ABCC6: variants seen among roughly 807,000 people sequenced by gnomAD.
ABCC6 encodes ATP-binding cassette sub-family C member 6.
A neutral mutation model predicts 169.5 loss-of-function variants in ABCC6; 126 were observed. The ratio of observed to expected loss-of-function variants is 0.74; its 90% CI spans 0.64 to 0.86. ABCC6 has a LOEUF of 0.86. Ranked by LOEUF, ABCC6 falls within the 40% of genes least tolerant of loss-of-function variation. The probability of loss-of-function intolerance (pLI) is 0.00; values close to 1 mark genes in which losing one functional copy is unlikely to be tolerated. For missense variants in ABCC6, 1,733 were observed against 1,927.2 expected, an observed-to-expected ratio of 0.90 and a Z score of 1.89; for synonymous variants, 752 against 814.7, an observed-to-expected ratio of 0.92 and a Z score of 1.31.
At chr16:16,190,140 G>A (rs753770933) in intron 12 of ABCC6, 24 bp downstream of exon 12, 2 of 1,612,018 alleles carry the variant, frequency 1.2e-6, no homozygotes, top group Non-Finnish European at 1.7e-6. Context: ...GTGCTGCTCA[G>A]CATAGAGACT....
At chr16:16,156,418 A>C (rs1336005046) in intron 27 of ABCC6, among the ~76,000 whole-genome samples, 1 of 152,172 alleles carries the variant, frequency 6.6e-6, no homozygotes, top group Non-Finnish European at 1.5e-5. Flanking sequence ...GGTTTCCAAA[A>C]CTAGAAGCTC....
At position 16,157,003 on chromosome 16, in the gene ABCC6, C is replaced by G. The variant is rs139640025; in HGVS notation, c.3882+660G>C. ...ATTGGAGCTGGTGAGACAGGATCCA[C>G]TGCTTTTTAGGGGACAAGGAGAGGA... On this transcript the variant is annotated intron_variant, in intron 27 of 30. Transcript: ENST00000205557. Among the ~76,000 whole-genome samples the G allele has an allele frequency of 5.6e-4, 84 of 149,554 alleles. No homozygotes were observed. The East Asian group carries it at 0.015, about 27-fold the overall frequency.
chr16:16,161,374 C>T, intron 25 of ABCC6, 64 bp downstream of exon 25: 1 of 1,610,962 alleles, frequency 6.2e-7, no homozygotes, highest in Non-Finnish European at 8.5e-7. Context: ...GTCCCACTAG[C>T]AGGGGTCCGA....
In ABCC6 at chr16:16,163,034, A is replaced by G. The variant is rs1291477379; in HGVS notation, c.3465T>C (p.Asp1155=). 5.6e-6 allele frequency: 9 copies of G among 1,613,942 alleles called. No homozygotes were observed. Among genetic ancestry groups the G allele is most frequent in the African/African-American group, 1.3e-5 (1 of 74,940 alleles). Residue 1155 remains aspartate (D), a synonymous_variant, in exon 24 of 31, where the codon GAT becomes GAC. Coordinates refer to ENST00000205557, the MANE Select transcript of ABCC6 (RefSeq NM_001171.6). ...PFVAQNNARV[D]ESQRISFPRL... is the part of the protein sequence containing the mutation. Reference sequence around the variant, plus strand: ...GCGGGAAACTGATCCTCTGGCTTTCATCTACGCGAGCATTGTTCTGAGCCA... The same window carrying G: ...GCGGGAAACTGATCCTCTGGCTTTCGTCTACGCGAGCATTGTTCTGAGCCA...
At chr16:16,192,973 C>A in intron 10 of ABCC6, 51 bp from the exon 11 acceptor site, 1 of 1,514,830 alleles carries the variant, frequency 6.6e-7, no homozygotes, top group South Asian at 1.1e-5. Context: ...GCCCAGCTCT[C>A]AGAGGCACGT....
In ABCC6 at chr16:16,154,826, G is replaced by C. The variant is rs777218739; in HGVS notation, c.4042-32C>G. On this transcript the variant is annotated intron_variant, in intron 28 of 30. Transcript: ENST00000205557. Reference sequence around the variant, plus strand: ...GGGAGGGGCGGTGGGTCAGAGCCGGGTCCCACCATGCCTCCCATCTTTGCC... The same window carrying C: ...GGGAGGGGCGGTGGGTCAGAGCCGGCTCCCACCATGCCTCCCATCTTTGCC... 1.9e-6 allele frequency: 3 copies of C among 1,608,932 alleles called. No individual in the cohort carries two copies. The African/African-American group carries it at 4.0e-5, about 21-fold the overall frequency.
intron 7 of ABCC6, among the ~76,000 whole-genome samples, chr16:16,208,121 G>A (rs1323421508): frequency 2.0e-5 from 3 of 152,058 alleles, no homozygotes; most frequent in African/African-American, 7.2e-5. Flanking sequence ...CCTCCACCCC[G>A]GCCTTAAAAT....
intron 24 of ABCC6, among the ~76,000 whole-genome samples, chr16:16,162,351 T>C (rs2046746033): frequency 6.6e-6 from 1 of 152,174 alleles, no homozygotes; most frequent in African/African-American, 2.4e-5. Context: ...GCTCTGCCAG[T>C]ATTAGCTGTG....
chr16:16,153,204 C>T (rs2046439812), intron 29 of ABCC6, among the ~76,000 whole-genome samples: 2 of 152,214 alleles, frequency 1.3e-5, no homozygotes, highest in Admixed American at 6.5e-5. Flanking sequence ...CGCGCCCAGC[C>T]ACTTTGGTTT....
chr16:16,177,714 A>T, intron 18 of ABCC6, 88 bp from the exon 19 acceptor site: 1 of 1,522,016 alleles, frequency 6.6e-7, no homozygotes. Flanking sequence ...AAGCCAAAGC[A>T]TGTGGATCAC....
At position 16,157,617 on chromosome 16, in the gene ABCC6, T is replaced by G. The variant is rs1293904276; in HGVS notation, c.3882+46A>C. 3.1e-6 allele frequency: 5 copies of G among 1,612,846 alleles called. No homozygotes were observed. In the African/African-American group the frequency reaches 6.7e-5, roughly 22 times the overall value. On this transcript the variant is annotated intron_variant, in intron 27 of 30. Transcript: ENST00000205557. The stretch of plus-strand genomic sequence containing the variant: ...GTTTAGGGCCTTGTCCCTGGAGTCC[T>G]TTGGCCTAAACTCCATGAAGAAGAC...
At chr16:16,214,586 C>T in intron 4 of ABCC6, 137 bp from the exon 5 acceptor site, 4 of 1,465,870 alleles carry the variant, frequency 2.7e-6, no homozygotes, top group Non-Finnish European at 3.6e-6. Context: ...CCCTGGCTTT[C>T]CTAGTGGTTC....
chr16:16,174,675 T>G (rs1025418498), intron 20 of ABCC6, among the ~76,000 whole-genome samples: 1 of 144,412 alleles, frequency 6.9e-6, no homozygotes, highest in African/African-American at 2.5e-5. Context: ...GAGAATCGCT[T>G]GAACCTGGGA....
chr16:16,184,198 CAAAAAAAAAAAAAAAAAAA>C, intron 15 of ABCC6: 1 of 70,128 alleles, frequency 1.4e-5, no homozygotes, highest in Non-Finnish European at 2.7e-5. Context: ...GACTCCGTTT[CAAAAAAAAAAAAAAAAAAA>C]AAAAAAAAAA....
intron 12 of ABCC6, 21 bp downstream of exon 12, chr16:16,190,141 CAT>C (rs778727921): frequency 3.1e-6 from 5 of 1,612,408 alleles, no homozygotes; most frequent in Middle Eastern, 1.8e-4. Context: ...TGCTGCTCAG[CAT>C]AGAGACTAGA....
In ABCC6 at chr16:16,173,489, C is replaced by T. The variant is rs570915686; in HGVS notation, c.2667-85G>A. 1.4e-4 allele frequency: 217 copies of T among 1,531,680 alleles called. 4 individuals are homozygous for T. The South Asian group carries it at 2.3e-3, about 16-fold the overall frequency. 94.9% of individuals were successfully genotyped at this position (1,531,680 alleles called of 1,614,324 possible). A position where few individuals can be genotyped will look rare whatever the true frequency, so the allele number is the denominator to read the frequency against. ...GCCTAACCCTCAGGCCCACTGACAG[C>T]CACTGAGCTCTGGGTACACTCTGTA... On this transcript the variant is annotated intron_variant, in intron 20 of 30. Transcript: ENST00000205557.
At position 16,182,583 on chromosome 16, in the gene ABCC6, AG is replaced by A; in HGVS notation, c.2075del (p.Ala692ValfsTer17). 6.2e-7 allele frequency: 1 copy of A among 1,612,366 alleles called. No homozygotes were observed. Among genetic ancestry groups the A allele is most frequent in the Non-Finnish European group, 8.5e-7 (1 of 1,178,706 alleles). Reference sequence around the variant, plus strand: ...AGGCCTCCTGGGGCACGTAGGCCACAGCACCCTAAAACACAACTTACTTTGG... The same window carrying A: ...AGGCCTCCTGGGGCACGTAGGCCACACACCCTAAAACACAACTTACTTTGG... ...KVEGFVSIEG[A>X]VAYVPQEAWV... is the part of the protein sequence containing the mutation. On this transcript the variant is annotated frameshift_variant, in exon 17 of 31. Transcript: ENST00000205557. LOFTEE classifies it high-confidence loss of function.
At chr16:16,160,663 A>G (rs1367223264) in intron 25 of ABCC6, among the ~76,000 whole-genome samples, 1 of 138,384 alleles carries the variant, frequency 7.2e-6, no homozygotes, top group African/African-American at 2.7e-5. Flanking sequence ...AAAATTAGCC[A>G]GGCATGGTGG....
intron 27 of ABCC6, 83 bp downstream of exon 27, chr16:16,157,580 C>G (rs1567468924): frequency 6.3e-7 from 1 of 1,577,018 alleles, no homozygotes; most frequent in Non-Finnish European, 8.7e-7. Flanking sequence ...GTGGAGGTGG[C>G]TGGTGCCCAG....
Sources: allele counts gnomAD v4.1 joint callset (sites outside exome capture counted in the v4.1 genomes callset), GRCh38; gene constraint gnomAD v4.1.1; transcripts MANE v1.5; gene names NCBI Gene and HGNC (gene_info 2026-07-23, HGNC 2026-07-21).